The following ZFHX3 variants were observed in gnomAD, a reference collection of about 807,000 sequenced individuals.
ZFHX3 encodes zinc finger homeobox 3.
A neutral mutation model predicts 279.1 loss-of-function variants in ZFHX3; 42 were observed. The ratio of observed to expected loss-of-function variants is 0.15; its 90% CI spans 0.12 to 0.19. The LOEUF is 0.19. ZFHX3 is among the 10% of genes least tolerant of loss of function. The probability of loss-of-function intolerance (pLI) is 1.00; values close to 1 mark genes in which losing one functional copy is unlikely to be tolerated. For synonymous variants in ZFHX3, 2,293 were observed against 1,957.8 expected (o/e 1.17, Z -4.52); for missense variants, 4,981 against 4,754.0 (o/e 1.05, Z -1.40).
chr16:73,219,316 A>T (rs1490599154), intron 5 of ZFHX3, among the ~76,000 whole-genome samples: 1 of 152,226 alleles, frequency 6.6e-6, no homozygotes, highest in African/African-American at 2.4e-5. Flanking sequence ...TTATTAACAG[A>T]TTGTACTGTC....
chr16:73,380,742 A>G lies in ZFHX3; in HGVS notation c.-1290-62406T>C, dbSNP rs369986659. Among the ~76,000 whole-genome samples, 75 of 152,288 alleles carry G rather than the reference A, an allele frequency of 4.9e-4. 1 individual carries two copies. The South Asian group carries it at 0.015, about 30-fold the overall frequency. On this transcript the variant is annotated intron_variant, in intron 3 of 17. Coordinates refer to the ZFHX3 transcript ENST00000641206. ...TGAGTGGCCAGGTGCAGGGACTCAC[A>G]CCTGTAATCCCCAACTGTTTGGGAG... is the stretch of plus-strand genomic sequence containing the variant.
intron 1 of ZFHX3, among the ~76,000 whole-genome samples, chr16:73,818,131 C>A (rs1357406678): frequency 1.3e-5 from 2 of 152,132 alleles, no homozygotes; most frequent in African/African-American, 4.8e-5. Flanking sequence ...GTATATAAAT[C>A]ATTCTTTGCA....
chr16:73,255,250 A>G (rs1389051020), intron 5 of ZFHX3, among the ~76,000 whole-genome samples: 1 of 152,254 alleles, frequency 6.6e-6, no homozygotes, highest in African/African-American at 2.4e-5. Flanking sequence ...ATGCTAAATG[A>G]TAACAAGCCA....
At chr16:73,583,619 AC>A (rs2051884716) in intron 2 of ZFHX3, among the ~76,000 whole-genome samples, 1 of 152,232 alleles carries the variant, frequency 6.6e-6, no homozygotes, top group African/African-American at 2.4e-5. Context: ...AATAAGTTCT[AC>A]TTGTATAGGC....
At chr16:73,050,010 C>T (rs770637548), upstream of ZFHX3, among the ~76,000 whole-genome samples, 3 of 152,166 alleles carry the variant, frequency 2.0e-5, no homozygotes, top group Admixed American at 2.0e-4. Context: ...TCCGGAAAAA[C>T]GAAGATTCCT....
intron 4 of ZFHX3, among the ~76,000 whole-genome samples, chr16:73,266,189 C>T (rs571435235): frequency 9.3e-4 from 141 of 152,328 alleles, no homozygotes; most frequent in African/African-American, 3.3e-3. Context: ...TGCTCACCGC[C>T]TGTATCCAGT....
At chr16:73,250,991 A>G (rs776353821) in intron 5 of ZFHX3, among the ~76,000 whole-genome samples, 2 of 152,050 alleles carry the variant, frequency 1.3e-5, no homozygotes, top group Non-Finnish European at 2.9e-5. Flanking sequence ...AATCTGAGTC[A>G]TGTGTACCAT....
intron 3 of ZFHX3, among the ~76,000 whole-genome samples, chr16:73,454,603 A>G (rs540686625): frequency 6.7e-6 from 1 of 149,722 alleles, no homozygotes; most frequent in African/African-American, 2.4e-5. Flanking sequence ...ATTTACACAG[A>G]TCTCAATTTC....
intron 2 of ZFHX3, among the ~76,000 whole-genome samples, chr16:73,612,508 A>G (rs1050425730): frequency 6.6e-6 from 1 of 152,240 alleles, no homozygotes; most frequent in Non-Finnish European, 1.5e-5. Flanking sequence ...TTCCAGTTTC[A>G]AATAATAAAT....
intron 2 of ZFHX3, among the ~76,000 whole-genome samples, chr16:73,480,412 C>A (rs1010413905): frequency 1.3e-5 from 2 of 152,160 alleles, no homozygotes; most frequent in African/African-American, 2.4e-5. Context: ...AGGTAATGAA[C>A]CTTGTTTCCA....
upstream of ZFHX3, among the ~76,000 whole-genome samples, chr16:73,052,223 A>G (rs1275309083): frequency 1.3e-5 from 2 of 152,064 alleles, no homozygotes; most frequent in African/African-American, 2.4e-5. Flanking sequence ...GATTTAAAAA[A>G]AAAAATCCCA....
intron 1 of ZFHX3, among the ~76,000 whole-genome samples, chr16:72,995,474 C>A (rs765501408): frequency 6.6e-6 from 1 of 152,140 alleles, no homozygotes; most frequent in Admixed American, 6.5e-5. Flanking sequence ...GAAATTAAAC[C>A]GCTGGCACAA....
At chr16:72,803,946 A>G (rs948057158) in intron 7 of ZFHX3, among the ~76,000 whole-genome samples, 3 of 152,218 alleles carry the variant, frequency 2.0e-5, no homozygotes, top group Non-Finnish European at 4.4e-5. Context: ...AGCCAGTTCA[A>G]CTACCTTCCT....
intron 4 of ZFHX3, among the ~76,000 whole-genome samples, chr16:73,298,997 G>A (rs184777265): frequency 4.0e-4 from 61 of 152,288 alleles, no homozygotes; most frequent in Non-Finnish European, 7.6e-4. Flanking sequence ...ACTACAAGGG[G>A]ATGAAGTTCC....
intron 1 of ZFHX3, among the ~76,000 whole-genome samples, chr16:73,045,549 C>T (rs1399309335): frequency 2.0e-5 from 3 of 151,944 alleles, no homozygotes; most frequent in Non-Finnish European, 2.9e-5. Context: ...GCCTTTCCAA[C>T]CCTCCCTTAA....
intron 5 of ZFHX3, among the ~76,000 whole-genome samples, chr16:73,163,031 T>C (rs1402212276): frequency 6.6e-6 from 1 of 152,166 alleles, no homozygotes; most frequent in Non-Finnish European, 1.5e-5. Flanking sequence ...TCCCTCAGGA[T>C]TTGATAGTGA....
chr16:73,392,227 C>A (rs2017027339), intron 3 of ZFHX3, among the ~76,000 whole-genome samples: 1 of 151,612 alleles, frequency 6.6e-6, no homozygotes, highest in African/African-American at 2.4e-5. Context: ...CAATACCAGC[C>A]TGGCCAACAT....
At chr16:73,296,813 C>G (rs2014921724) in intron 4 of ZFHX3, among the ~76,000 whole-genome samples, 1 of 150,140 alleles carries the variant, frequency 6.7e-6, no homozygotes, top group African/African-American at 2.5e-5. Flanking sequence ...CATGGGCCAT[C>G]TACTATTCAA....
rs144657961 is a variant in ZFHX3 at position 72,797,921 on chromosome 16, G to C, written c.4761C>G (p.Pro1587=). Residue 1587 remains proline, a synonymous_variant, in exon 9 of 10, where the codon CCC becomes CCG. Transcript: ENST00000268489. ...LQESATGQPE[P]TSSPDNKPFK... ...AAGGTTTGTTGTCTGGGCTGCTGGT[G>C]GGTTCTGGCTGACCGGTTGCTGATT... 413 of 1,614,074 alleles carry C rather than the reference G, an allele frequency of 2.6e-4. 3 individuals are homozygous for C. Among genetic ancestry groups the C allele is most frequent in the Middle Eastern group, 2.3e-3 (14 of 6,084 alleles).
Sources: gnomAD v4.1 joint callset for allele counts (sites outside exome capture counted in the v4.1 genomes callset) on GRCh38, gnomAD v4.1.1 for gene constraint, MANE v1.5 for transcripts, NCBI Gene and HGNC (gene_info 2026-07-23, HGNC 2026-07-21) for gene names.